Variants in ADAMTS12 observed in about 807,000 individuals in gnomAD.
The protein encoded by ADAMTS12 is ADAM metallopeptidase with thrombospondin type 1 motif 12.
ADAMTS12 carries 118 observed loss-of-function variants against 167.8 expected under a neutral mutation model. The observed-to-expected ratio is 0.70, with a 90% CI of 0.61 to 0.82. The LOEUF is 0.82. ADAMTS12 is among the 40% of genes least tolerant of loss of function. The pLI, the probability that ADAMTS12 is intolerant of heterozygous loss-of-function variation, is 0.00. For missense variants in ADAMTS12, 1,916 were observed against 1,998.8 expected (o/e 0.96, Z 0.79); for synonymous variants, 704 against 716.9 (o/e 0.98, Z 0.29).
chr5:33,685,958 A>G (rs549581194), intron 3 of ADAMTS12, among the ~76,000 whole-genome samples: 48 of 152,260 alleles, frequency 3.2e-4, no homozygotes, highest in African/African-American at 1.2e-3. Flanking sequence ...CCAAGCAGCC[A>G]GCCCACTTTA....
At chr5:33,683,758 A>G in intron 4 of ADAMTS12, 101 bp downstream of exon 4, 2 of 799,862 alleles carry the variant, frequency 2.5e-6, no homozygotes, top group Non-Finnish European at 3.5e-6. Context: ...TATAAAAATA[A>G]GTTAAAAGGA....
intron 5 of ADAMTS12, among the ~76,000 whole-genome samples, chr5:33,669,447 AG>A (rs1280658022): frequency 6.6e-6 from 1 of 152,196 alleles, no homozygotes; most frequent in African/African-American, 2.4e-5. Flanking sequence ...GTAAAGTCCA[AG>A]CATCATGTAG....
intron 12 of ADAMTS12, 113 bp downstream of exon 12, chr5:33,637,464 T>C: frequency 9.1e-7 from 1 of 1,101,074 alleles, no homozygotes; most frequent in Non-Finnish European, 1.3e-6. Context: ...AAATTCCTGG[T>C]GTACAATTGT....
intron 23 of ADAMTS12, among the ~76,000 whole-genome samples, chr5:33,531,720 C>T (rs1262210030): frequency 1.3e-5 from 2 of 152,142 alleles, no homozygotes; most frequent in African/African-American, 4.8e-5. Flanking sequence ...AGGTCAACAC[C>T]TAAATGACTG....
Position 33,549,289 on chromosome 5 carries a change from A to G in ADAMTS12, c.4220T>C (p.Phe1407Ser), listed in dbSNP as rs1221682992. ...HRNLRPFHCQ[F>S]LAGIPPPLSM... ...CAATGGGGGAGGAATGCCGGCCAGG[A>G]ACTGGCAGTGAAATGGCCTCAGGTT... Residue 1407 changes from phenylalanine to serine, a missense_variant, in exon 21 of 24, where the codon TTC (phenylalanine) becomes TCC (serine). Physicochemically the swap from Phe to Ser is radical, Grantham distance 155. Coordinates refer to ENST00000504830, the MANE Select transcript of ADAMTS12 (RefSeq NM_030955.4). The G allele has an allele frequency of 8.1e-6, 13 of 1,613,958 alleles. No individual in the cohort carries two copies. Among genetic ancestry groups the G allele is most frequent in the Admixed American group, 1.7e-5 (1 of 60,000 alleles).
chr5:33,815,649 A>T (rs112970327), intron 2 of ADAMTS12, among the ~76,000 whole-genome samples: 1,668 of 152,322 alleles, frequency 0.011, 42 homozygotes, highest in African/African-American at 0.039. Context: ...CTAGGACATC[A>T]ACGTTAAAGA....
intron 20 of ADAMTS12, among the ~76,000 whole-genome samples, chr5:33,556,011 A>G (rs889709585): frequency 6.6e-6 from 1 of 152,208 alleles, no homozygotes; most frequent in African/African-American, 2.4e-5. Flanking sequence ...GAAACAAGAG[A>G]TTAGTCAATG....
chr5:33,884,534 G>A (rs1750570712), intron 1 of ADAMTS12, among the ~76,000 whole-genome samples: 2 of 152,162 alleles, frequency 1.3e-5, no homozygotes, highest in South Asian at 4.1e-4. Context: ...AAGATCTCTA[G>A]CTGTCCCTTC....
chr5:33,671,753 A>AAC (rs1406479980), intron 5 of ADAMTS12, among the ~76,000 whole-genome samples: 1 of 147,596 alleles, frequency 6.8e-6, no homozygotes, highest in Non-Finnish European at 1.5e-5. Flanking sequence ...CATACTCACA[A>AAC]ACACACACAC....
chr5:33,621,387 A>C, intron 14 of ADAMTS12, among the ~76,000 whole-genome samples: 1 of 145,028 alleles, frequency 6.9e-6, no homozygotes, highest in African/African-American at 2.6e-5. Context: ...GTGACACAGC[A>C]AGACTCCATC....
chr5:33,641,667 C>A, intron 11 of ADAMTS12, 143 bp downstream of exon 11: 1 of 820,972 alleles, frequency 1.2e-6, no homozygotes, highest in Non-Finnish European at 1.7e-6. Flanking sequence ...CTCTGTGAAT[C>A]TTCTTGTTCT....
chr5:33,825,778 A>G (rs957924557), intron 2 of ADAMTS12, among the ~76,000 whole-genome samples: 11 of 152,144 alleles, frequency 7.2e-5, no homozygotes, highest in South Asian at 6.2e-4. Context: ...AGTGGGAGAG[A>G]AAGTAAGACC....
chr5:33,855,724 T>TTTG lies in ADAMTS12; in HGVS notation c.489+25392_489+25394dup, dbSNP rs200017200. 6.5e-4 allele frequency among the ~76,000 whole-genome samples: 99 copies of TTTG among 152,276 alleles called. 2 individuals carry two copies. Among genetic ancestry groups the TTTG allele is most frequent in the African/African-American group, 2.3e-3 (96 of 41,550 alleles). Reference sequence around the variant, plus strand: ...TGAGTCTTTATATAATTGTATCTTTTTTGTTGTTGTTGTTTTTGAGACAGG... The same window carrying TTTG: ...TGAGTCTTTATATAATTGTATCTTTTTTGTTGTTGTTGTTGTTTTTGAGACAGG... On this transcript the variant is annotated intron_variant, in intron 2 of 23. Transcript: ENST00000504830.
chr5:33,801,567 G>A (rs1392759898), intron 2 of ADAMTS12, among the ~76,000 whole-genome samples: 1 of 152,196 alleles, frequency 6.6e-6, no homozygotes, highest in African/African-American at 2.4e-5. Flanking sequence ...TTATTAGGCA[G>A]ATCTCTTTTC....
intron 7 of ADAMTS12, among the ~76,000 whole-genome samples, chr5:33,656,641 G>T (rs1741072039): frequency 6.6e-6 from 1 of 152,098 alleles, no homozygotes; most frequent in African/African-American, 2.4e-5. Context: ...TGTTGGGATG[G>T]CTTGAGTGAT....
In ADAMTS12 at chr5:33,614,391, A is replaced by G. The variant is rs1738880229; in HGVS notation, c.2389-15T>C. On this transcript the variant is annotated splice_polypyrimidine_tract_variant and intron_variant, in intron 15 of 23. Coordinates refer to ENST00000504830, the MANE Select transcript of ADAMTS12 (RefSeq NM_030955.4). ...TGGAATAGAAGCTAAAAGGCAAGAGAGGGGTCATGTCAAACTGTCATGACT... is the reference window on the plus strand; with the variant it reads ...TGGAATAGAAGCTAAAAGGCAAGAGGGGGGTCATGTCAAACTGTCATGACT... 6.2e-7 allele frequency: 1 copy of G among 1,613,544 alleles called. No individual in the cohort carries two copies. The highest frequency in any genetic ancestry group is 8.5e-7 in the Non-Finnish European group (1 of 1,179,538).
intron 3 of ADAMTS12, among the ~76,000 whole-genome samples, chr5:33,688,090 T>C (rs748280430): frequency 7.9e-5 from 12 of 152,184 alleles, no homozygotes; most frequent in Non-Finnish European, 1.6e-4. Flanking sequence ...TCTTTGGCCT[T>C]TGCCCCAATC....
chr5:33,633,877 T>C (rs970214241), intron 12 of ADAMTS12, among the ~76,000 whole-genome samples: 1 of 152,076 alleles, frequency 6.6e-6, no homozygotes, highest in Non-Finnish European at 1.5e-5. Context: ...TTTTTTAGGG[T>C]CATGTGATTT....
At chr5:33,589,260 C>T (rs546549829) in intron 17 of ADAMTS12, among the ~76,000 whole-genome samples, 2 of 152,226 alleles carry the variant, frequency 1.3e-5, no homozygotes, top group South Asian at 2.1e-4. Flanking sequence ...AGAACTCAAG[C>T]ATTTGTTATG....
Sources: allele counts gnomAD v4.1 joint callset (sites outside exome capture counted in the v4.1 genomes callset), GRCh38; gene constraint gnomAD v4.1.1; transcripts MANE v1.5; gene names NCBI Gene and HGNC (gene_info 2026-07-23, HGNC 2026-07-21).